Variants in MTBP observed in about 807,000 individuals in gnomAD.
MTBP encodes the protein mdm2-binding protein.
A neutral mutation model predicts 117.0 loss-of-function variants in MTBP; 101 were observed. That is an observed-to-expected ratio of 0.86 (90% CI 0.73 to 1.02). The LOEUF is 1.02. MTBP is among the 50% of genes least tolerant of loss of function. MTBP has a pLI of 0.00. For synonymous variants in MTBP, 350 were observed against 351.5 expected, an observed-to-expected ratio of 1.00 and a Z score of 0.05; for missense variants, 970 against 1,030.9, an observed-to-expected ratio of 0.94 and a Z score of 0.81.
At chr8:120,456,762 T>G (rs374735189) in intron 7 of MTBP, 92 bp downstream of exon 7, 9 of 752,542 alleles carry the variant, frequency 1.2e-5, no homozygotes, top group East Asian at 1.0e-4. Context: ...ATGTACCTTA[T>G]AAAGATATTC....
At chr8:120,482,570 A>G (rs1025958783) in intron 11 of MTBP, among the ~76,000 whole-genome samples, 7 of 152,232 alleles carry the variant, frequency 4.6e-5, no homozygotes, top group Admixed American at 2.0e-4. Flanking sequence ...GGAAATGTAT[A>G]TAGTTTATGA....
rs1441240635 is a variant in MTBP at position 120,506,780 on chromosome 8, T to C, written c.1802T>C (p.Leu601Ser). 5.0e-6 allele frequency: 8 copies of C among 1,613,666 alleles called. No homozygotes were observed. Among genetic ancestry groups the C allele is most frequent in the Non-Finnish European group, 4.2e-6 (5 of 1,179,664 alleles). Reference sequence around the variant, plus strand: ...GGTCCTCGGGACTCAATCACATTGTTGGATGCTAAAGAATTGCTGAAGTAC... The same window carrying C: ...GGTCCTCGGGACTCAATCACATTGTCGGATGCTAAAGAATTGCTGAAGTAC... ...KEGPRDSITLLDAKELLKYFT... is the reference protein window; with the variant it reads ...KEGPRDSITLSDAKELLKYFT... Residue 601 changes from leucine (L) to serine (S), a missense_variant, in exon 16 of 22, where the codon TTG becomes TCG. Physicochemically the swap from Leu to Ser is moderately radical, Grantham distance 145. Transcript: ENST00000305949.
At chr8:120,446,735 T>G (rs1189296698) in intron 2 of MTBP, among the ~76,000 whole-genome samples, 1 of 152,180 alleles carries the variant, frequency 6.6e-6, no homozygotes, top group East Asian at 1.9e-4. Context: ...GGTTCTCAGC[T>G]TGAATTTTGC....
rs1174387791 is a variant in MTBP at position 120,446,415 on chromosome 8, CT to C, written c.119-17del. On this transcript the variant is annotated splice_polypyrimidine_tract_variant and intron_variant, in intron 1 of 21. Coordinates refer to ENST00000305949, the MANE Select transcript of MTBP (RefSeq NM_022045.5). ...TAAATCTAGAGCCCTTTGAGTTAGT[CT>C]ATCTTTTCTTTTTCAGACTTCACAG... The C allele has an allele frequency of 1.3e-6, 2 of 1,525,752 alleles. No homozygotes were observed. Among genetic ancestry groups the C allele is most frequent in the Non-Finnish European group, 1.8e-6 (2 of 1,100,358 alleles). The allele number at this position is 1,525,752 out of a possible 1,614,324, so 94.5% of individuals were successfully genotyped here.
chr8:120,452,069 T>C (rs926009783), intron 4 of MTBP: 1 of 152,212 alleles, frequency 6.6e-6, no homozygotes, highest in African/African-American at 2.4e-5. Context: ...ATGTACATGA[T>C]TGAGTTCACT....
chr8:120,521,685 C>A (rs1466873326), intron 20 of MTBP, among the ~76,000 whole-genome samples: 1 of 152,176 alleles, frequency 6.6e-6, no homozygotes, highest in African/African-American at 2.4e-5. Context: ...AATTCCATTT[C>A]TTTTACTTTG....
rs1813473770 is a variant in MTBP, at chr8:120,456,616, T to C, written c.693T>C (p.Asn231=). The C allele has an allele frequency of 6.2e-7, 1 of 1,602,498 alleles. No individual in the cohort carries two copies. The highest frequency in any genetic ancestry group is 8.5e-7 in the Non-Finnish European group (1 of 1,172,648). The change falls in exon 7 of 22, where the codon AAT becomes AAC. Residue 231 remains asparagine (N), a synonymous_variant. Coordinates refer to ENST00000305949, the MANE Select transcript of MTBP (RefSeq NM_022045.5). ...TTGTATCTTTAGAAGATCTCAGAAA[T>C]GTTATTGACTCAAAGGAATTATGGA... ...ANVVSLEDLR[N]VIDSKELWRG... is the part of the protein sequence containing the mutation.
chr8:120,474,083 T>C (rs1813882673), intron 11 of MTBP: 1 of 152,086 alleles, frequency 6.6e-6, no homozygotes, highest in Non-Finnish European at 1.5e-5. Context: ...ATTGTAATTT[T>C]AAGAATATAT....
intron 11 of MTBP, among the ~76,000 whole-genome samples, chr8:120,485,261 T>G (rs550664190): frequency 6.6e-6 from 1 of 152,342 alleles, no homozygotes; most frequent in African/African-American, 2.4e-5. Context: ...CTATATTTGA[T>G]AAATTTTATA....
intron 11 of MTBP, among the ~76,000 whole-genome samples, chr8:120,487,515 T>A (rs1320770140): frequency 6.6e-6 from 1 of 152,246 alleles, no homozygotes; most frequent in African/African-American, 2.4e-5. Context: ...AATATAAATG[T>A]TTATGTCCAA....
At chr8:120,488,602 A>G (rs1814270289) in intron 12 of MTBP, among the ~76,000 whole-genome samples, 2 of 152,108 alleles carry the variant, frequency 1.3e-5, no homozygotes, top group Admixed American at 6.6e-5. Context: ...AGTATTTTCC[A>G]CTTTAAATAC....
chr8:120,483,975 A>T (rs945935489), intron 11 of MTBP, among the ~76,000 whole-genome samples: 9 of 152,154 alleles, frequency 5.9e-5, no homozygotes, highest in African/African-American at 2.2e-4. Context: ...TCTTCAATTA[A>T]CACCTGCCAA....
rs552945898 is a variant in MTBP, at chr8:120,476,913, T to C, written c.1165+5976T>C. On this transcript the variant is annotated intron_variant, in intron 11 of 21. Transcript: ENST00000305949. Reference sequence around the variant, plus strand: ...ATTAGAAAAACTACTTTAAATTTCATATGGAACCAAAAAAGAGCTCATATA... The same window carrying C: ...ATTAGAAAAACTACTTTAAATTTCACATGGAACCAAAAAAGAGCTCATATA... Among the ~76,000 whole-genome samples, 4 of 152,178 alleles carry C rather than the reference T, an allele frequency of 2.6e-5. No individual in the cohort carries two copies. In the South Asian group the frequency reaches 8.3e-4, roughly 32 times the overall value.
At chr8:120,457,927 C>A (rs1338801246) in intron 7 of MTBP, among the ~76,000 whole-genome samples, 3 of 140,306 alleles carry the variant, frequency 2.1e-5, no homozygotes, top group African/African-American at 7.9e-5. Flanking sequence ...GCCTGCGTGA[C>A]AGAGTGAGAC....
Position 120,452,153 on chromosome 8 carries a change from C to T in MTBP, c.425+831C>T, listed in dbSNP as rs568510193. On this transcript the variant is annotated intron_variant, in intron 4 of 21. Transcript: ENST00000305949. ...CATAAGTTGTGATAATAATTTTTCTCTTGATGAAATATCCCACCTCTTATA... is the reference window on the plus strand; with the variant it reads ...CATAAGTTGTGATAATAATTTTTCTTTTGATGAAATATCCCACCTCTTATA... 16 of 152,094 alleles carry T rather than the reference C, an allele frequency of 1.1e-4. 1 individual carries two copies. In the East Asian group the frequency reaches 2.3e-3, roughly 22 times the overall value. 9.4% of individuals were successfully genotyped at this position (152,094 alleles called of 1,614,324 possible).
At chr8:120,495,906 T>C (rs1814444357) in intron 13 of MTBP, among the ~76,000 whole-genome samples, 2 of 152,186 alleles carry the variant, frequency 1.3e-5, no homozygotes, top group Non-Finnish European at 2.9e-5. Context: ...TTGTTTGCCT[T>C]AGTCTCTCTT....
intron 11 of MTBP, chr8:120,471,743 C>T (rs1205671853): frequency 6.6e-6 from 1 of 152,108 alleles, no homozygotes; most frequent in Admixed American, 6.5e-5. Flanking sequence ...GGAATTGGAG[C>T]TTAGAGAAGT....
At chr8:120,496,248 A>G (rs1814454810) in intron 13 of MTBP, among the ~76,000 whole-genome samples, 1 of 152,230 alleles carries the variant, frequency 6.6e-6, no homozygotes, top group Non-Finnish European at 1.5e-5. Flanking sequence ...GTTCATGACT[A>G]GCTCAGTGAG....
At chr8:120,515,685 AAC>A (rs1284350719) in intron 17 of MTBP, among the ~76,000 whole-genome samples, 3 of 152,030 alleles carry the variant, frequency 2.0e-5, no homozygotes, top group Admixed American at 2.0e-4. Context: ...GTTGCCCAGA[AAC>A]ACAAGTGAAA....
Sources: allele counts gnomAD v4.1 joint callset (sites outside exome capture counted in the v4.1 genomes callset), GRCh38; gene constraint gnomAD v4.1.1; transcripts MANE v1.5; gene names NCBI Gene and HGNC (gene_info 2026-07-23, HGNC 2026-07-21).